The following KBTBD11 variants were observed in gnomAD, a reference collection of about 807,000 sequenced individuals.
KBTBD11 encodes the protein kelch repeat and BTB domain containing 11, also known as kelch repeat and BTB domain-containing protein 11.
For missense variants in KBTBD11, 1,390 were observed against 1,001.8 expected (o/e 1.39, Z -5.23); for synonymous variants, 747 against 499.0 (o/e 1.50, Z -6.63).
At position 2,001,114 on chromosome 8, in the gene KBTBD11, C is replaced by G. The variant is rs1187639264; in HGVS notation, c.-79C>G. The G allele has an allele frequency of 2.4e-6, 3 of 1,264,168 alleles. No individual in the cohort carries two copies. Among genetic ancestry groups the G allele is most frequent in the Admixed American group, 4.2e-5 (1 of 23,896 alleles). 78.3% of individuals were successfully genotyped at this position (1,264,168 alleles called of 1,614,324 possible). A position where few individuals can be genotyped will look rare whatever the true frequency, so the allele number is the denominator to read the frequency against. On this transcript the variant is annotated 5_prime_UTR_variant, in exon 2 of 2. Transcript: ENST00000320248. ...GGAAAAGCTGTGAGGCTGGAAACCC[C>G]GGAGTAAGGCTCGACCTTGGCCAGA...
intron 1 of KBTBD11, among the ~76,000 whole-genome samples, chr8:1,976,882 C>T (rs919430693): frequency 3.3e-5 from 5 of 152,070 alleles, no homozygotes; most frequent in African/African-American, 7.2e-5. Context: ...AGGACTAGAG[C>T]ACGGAGAGGT....
At chr8:1,998,930 C>G (rs1817243069) in intron 1 of KBTBD11, among the ~76,000 whole-genome samples, 1 of 152,186 alleles carries the variant, frequency 6.6e-6, no homozygotes, top group Non-Finnish European at 1.5e-5. Context: ...CACTGGACAG[C>G]AGGATGGGGG....
At chr8:1,996,185 A>G (rs7006709) in intron 1 of KBTBD11, among the ~76,000 whole-genome samples, 42,763 of 152,212 alleles carry the variant, frequency 0.28, 6,186 homozygotes, top group Admixed American at 0.34. Flanking sequence ...CCATGTGGGC[A>G]CGGCCCACCC....
chr8:1,981,633 C>T (rs912458914), intron 1 of KBTBD11, among the ~76,000 whole-genome samples: 24 of 152,166 alleles, frequency 1.6e-4, no homozygotes, highest in Non-Finnish European at 3.2e-4. Flanking sequence ...TCAGTACCGT[C>T]CAATTGTCTG....
chr8:1,995,169 G>C (rs984810298), intron 1 of KBTBD11, among the ~76,000 whole-genome samples: 1 of 151,448 alleles, frequency 6.6e-6, no homozygotes, highest in Non-Finnish European at 1.5e-5. Context: ...TACTTATTCA[G>C]TTACTCAAGA....
chr8:1,979,362 G>A (rs1193206187), intron 1 of KBTBD11, among the ~76,000 whole-genome samples: 1 of 152,258 alleles, frequency 6.6e-6, no homozygotes, highest in Non-Finnish European at 1.5e-5. Flanking sequence ...AGGTGCAGTG[G>A]CTCACGCCTG....
At chr8:1,982,217 G>C (rs1242413305) in intron 1 of KBTBD11, among the ~76,000 whole-genome samples, 2 of 152,130 alleles carry the variant, frequency 1.3e-5, no homozygotes, top group Non-Finnish European at 2.9e-5. Context: ...TTTTATGTAA[G>C]CCTCATGGTG....
intron 1 of KBTBD11, among the ~76,000 whole-genome samples, chr8:1,977,078 A>G (rs1816372256): frequency 6.8e-6 from 1 of 146,516 alleles, no homozygotes; most frequent in Non-Finnish European, 1.5e-5. Context: ...TTAAAACATT[A>G]TGAGTTTTTT....
chr8:1,993,408 TCCATCCATCCATCCAC>T (rs1464726855), intron 1 of KBTBD11, among the ~76,000 whole-genome samples: 2 of 94,530 alleles, frequency 2.1e-5, no homozygotes, highest in Non-Finnish European at 5.1e-5. Flanking sequence ...CATCCATCCA[TCCATCCATCCATCCAC>T]CCACCCACCC....
In KBTBD11 at chr8:2,006,801, G is replaced by C. The variant is rs978576526; in HGVS notation, c.*3737G>C. ...TACACCTGTTGAAGGCCAAGTTCAG[G>C]GCAGCTGTTGTGATCTGTGTAGTTA... On this transcript the variant is annotated 3_prime_UTR_variant, in exon 2 of 2. Transcript: ENST00000320248. 7 of 167,108 alleles carry C rather than the reference G, an allele frequency of 4.2e-5. No individual in the cohort carries two copies. Among genetic ancestry groups the C allele is most frequent in the Non-Finnish European group, 8.8e-5 (6 of 68,136 alleles). 10.4% of individuals were successfully genotyped at this position (167,108 alleles called of 1,614,324 possible). A position where few individuals can be genotyped will look rare whatever the true frequency, so the allele number is the denominator to read the frequency against.
chr8:1,997,106 C>T (rs897631520), intron 1 of KBTBD11, among the ~76,000 whole-genome samples: 1 of 152,156 alleles, frequency 6.6e-6, no homozygotes, highest in Non-Finnish European at 1.5e-5. Flanking sequence ...TGTTGACGAT[C>T]ACCCAGGGAA....
rs1237886453 is a variant in KBTBD11, at chr8:2,005,365, G to C, written c.*2301G>C. On this transcript the variant is annotated 3_prime_UTR_variant, in exon 2 of 2. Transcript: ENST00000320248. ...AGTATACACCACAGTTCTGAATAGT[G>C]ATATCACATAAAAATACATACTAGA... is the stretch of plus-strand genomic sequence containing the variant. The C allele has an allele frequency of 1.2e-5, 2 of 167,114 alleles. No individual in the cohort carries two copies. The highest frequency in any genetic ancestry group is 2.9e-5 in the Non-Finnish European group (2 of 68,128). 10.4% of individuals were successfully genotyped at this position (167,114 alleles called of 1,614,324 possible). A position where few individuals can be genotyped will look rare whatever the true frequency, so the allele number is the denominator to read the frequency against.
chr8:1,989,972 A>G (rs897626817), intron 1 of KBTBD11, among the ~76,000 whole-genome samples: 18 of 121,954 alleles, frequency 1.5e-4, no homozygotes, highest in African/African-American at 5.2e-4. Flanking sequence ...TGAAGGCTCC[A>G]GAGACAGAGG....
chr8:1,981,752 A>G (rs1235496945), intron 1 of KBTBD11, among the ~76,000 whole-genome samples: 1 of 152,194 alleles, frequency 6.6e-6, no homozygotes, highest in Non-Finnish European at 1.5e-5. Context: ...CCTTGGACAT[A>G]AAAGCTCAAG....
chr8:1,987,580 A>C (rs574241734), intron 1 of KBTBD11, among the ~76,000 whole-genome samples: 17 of 151,884 alleles, frequency 1.1e-4, no homozygotes, highest in Admixed American at 9.8e-4. Flanking sequence ...GGTCTCTAGA[A>C]CCTGTCAAGC....
chr8:1,994,952 G>A (rs1201674252), intron 1 of KBTBD11, among the ~76,000 whole-genome samples: 6 of 151,682 alleles, frequency 4.0e-5, no homozygotes, highest in Admixed American at 3.9e-4. Flanking sequence ...CCAGCTACTC[G>A]GGAGGCTGAG....
chr8:1,984,503 G>A (rs1816648144), intron 1 of KBTBD11, among the ~76,000 whole-genome samples: 1 of 151,968 alleles, frequency 6.6e-6, no homozygotes, highest in African/African-American at 2.4e-5. Context: ...TAGGCAGGAT[G>A]GTCTCAGTTT....
At position 2,002,664 on chromosome 8, in the gene KBTBD11, G is replaced by C; in HGVS notation, c.1472G>C (p.Arg491Pro). The change falls in exon 2 of 2, where the codon CGC becomes CCC. Residue 491 changes from arginine to proline, a missense_variant. Transcript: ENST00000320248. The surrounding 1 kb of genome is among the most constrained non-coding windows in gnomAD (Gnocchi z 4.1). ...QECPCSSSRE[R>P]SADMVALDGF... is the part of the protein sequence containing the mutation. ...TGCCCGTGCAGCAGCAGCCGCGAGC[G>C]CTCGGCCGACATGGTGGCTCTCGAC... 3 of 1,571,918 alleles carry C rather than the reference G, an allele frequency of 1.9e-6. No homozygotes were observed. Among genetic ancestry groups the C allele is most frequent in the Non-Finnish European group, 2.6e-6 (3 of 1,168,040 alleles).
chr8:1,988,242 T>G lies in KBTBD11; in HGVS notation c.-908-12043T>G, dbSNP rs191368620. 1.6e-3 allele frequency among the ~76,000 whole-genome samples: 239 copies of G among 152,324 alleles called. 1 individual carries two copies. Among genetic ancestry groups the G allele is most frequent in the African/African-American group, 5.3e-3 (221 of 41,562 alleles). On this transcript the variant is annotated intron_variant, in intron 1 of 1. Coordinates refer to ENST00000320248, the MANE Select transcript of KBTBD11 (RefSeq NM_014867.3). ...CATGATTTATAGTCCTTTGGGCATA[T>G]ACCCACTAATGGGATGGCTGGGTCA...
Sources: gnomAD v4.1 joint callset for allele counts (sites outside exome capture counted in the v4.1 genomes callset) on GRCh38, gnomAD v4.1.1 for gene constraint, Gnocchi (gnomAD v3.1) non-coding constraint, MANE v1.5 for transcripts, NCBI Gene and HGNC (gene_info 2026-07-23, HGNC 2026-07-21) for gene names.